The following GTSE1 variants were observed in gnomAD, a reference collection of about 807,000 sequenced individuals.
GTSE1 encodes the protein G2 and S phase-expressed protein 1.
In GTSE1, 52 loss-of-function variants were observed where a neutral mutation model predicts 60.5. The ratio of observed to expected loss-of-function variants is 0.86; its 90% confidence interval spans 0.69 to 1.08. GTSE1 has a LOEUF of 1.08. Ranked by LOEUF, GTSE1 falls within the 50% of genes least tolerant of loss-of-function variation. The pLI is 0.00. For missense variants in GTSE1, 937 were observed against 961.8 expected (o/e 0.97, Z 0.34); for synonymous variants, 368 against 386.5 (o/e 0.95, Z 0.56).
At position 46,309,019 on chromosome 22, in the gene GTSE1, C is replaced by A. The variant is rs6007819; in HGVS notation, c.762+76C>A. The A allele has an allele frequency of 6.7e-6, 10 of 1,484,196 alleles. No homozygotes were observed. The Admixed American group carries it at 8.6e-5, about 13-fold the overall frequency. 91.9% of individuals were successfully genotyped at this position (1,484,196 alleles called of 1,614,324 possible). A position where few individuals can be genotyped will look rare whatever the true frequency, so the allele number is the denominator to read the frequency against. ...TCAGCCCTCTCACAGAAGCCACATG[C>A]GGAAAGCCTCAGAGGTGGCGAGTCT... On this transcript the variant is annotated intron_variant, in intron 4 of 11. Coordinates refer to ENST00000454366, the MANE Select transcript of GTSE1 (RefSeq NM_016426.7). The surrounding 1 kb of genome is among the most constrained non-coding windows in gnomAD (Gnocchi z 6.2).
In GTSE1 at chr22:46,314,133, C is replaced by T. The variant is rs1031947029; in HGVS notation, c.1051+120C>T. On this transcript the variant is annotated intron_variant, in intron 6 of 11. Coordinates refer to ENST00000454366, the MANE Select transcript of GTSE1 (RefSeq NM_016426.7). This position sits in a 1 kb window ranked among gnomAD's most constrained non-coding sequence, Gnocchi z 7.1. ...AGGCTTGGCAGGACGTCCCGGAGGG[C>T]GTGCTGTGTGCGGTGGACCAGGCTG... 151 of 1,254,522 alleles carry T rather than the reference C, an allele frequency of 1.2e-4. 1 individual carries two copies. The East Asian group carries it at 2.6e-3, about 22-fold the overall frequency. 77.7% of individuals were successfully genotyped at this position (1,254,522 alleles called of 1,614,324 possible). A position where few individuals can be genotyped will look rare whatever the true frequency, so the allele number is the denominator to read the frequency against.
chr22:46,313,838 TA>T lies in GTSE1; in HGVS notation c.928-51del. 1.2e-6 allele frequency: 2 copies of T among 1,606,778 alleles called. No individual in the cohort carries two copies. ...CCCTTACTTTTGCAGACACAAGTAATAGGTAAATAACGAGATCTTTGCTGAT... is the reference window on the plus strand; with the variant it reads ...CCCTTACTTTTGCAGACACAAGTAATGGTAAATAACGAGATCTTTGCTGAT... On this transcript the variant is annotated intron_variant, in intron 5 of 11. Coordinates refer to ENST00000454366, the MANE Select transcript of GTSE1 (RefSeq NM_016426.7). The surrounding 1 kb of genome is among the most constrained non-coding windows in gnomAD (Gnocchi z 4.4).
intron 2 of GTSE1, among the ~76,000 whole-genome samples, chr22:46,302,477 C>T (rs1385210369): frequency 1.3e-5 from 2 of 149,928 alleles, no homozygotes; most frequent in East Asian, 1.9e-4. Flanking sequence ...CAGGCTCATG[C>T]GATCCTCCTT....
Position 46,316,524 on chromosome 22 carries a change from C to T in GTSE1, c.1432+112C>T, listed in dbSNP as rs2077781671. The stretch of plus-strand genomic sequence containing the variant: ...TGGTGTTTTTAGTTCTTTCCTCCAA[C>T]AGTGCTTTCAGGTGTGACCCGCTGT... On this transcript the variant is annotated intron_variant, in intron 7 of 11. Transcript: ENST00000454366. This position sits in a 1 kb window ranked among gnomAD's most constrained non-coding sequence, Gnocchi z 5.0. The T allele has an allele frequency of 2.5e-6, 2 of 809,592 alleles. No individual in the cohort carries two copies. The highest frequency in any genetic ancestry group is 2.5e-5 in the East Asian group (1 of 39,812). 50.2% of individuals were successfully genotyped at this position (809,592 alleles called of 1,614,324 possible). A position where few individuals can be genotyped will look rare whatever the true frequency, so the allele number is the denominator to read the frequency against.
chr22:46,298,589 T>G (rs1372888788), intron 2 of GTSE1, among the ~76,000 whole-genome samples: 1 of 152,206 alleles, frequency 6.6e-6, no homozygotes, highest in African/African-American at 2.4e-5. Flanking sequence ...ATTACAGGTG[T>G]GAACCACCGC....
At chr22:46,326,766 T>A in intron 9 of GTSE1, 112 bp downstream of exon 9, 1 of 679,792 alleles carries the variant, frequency 1.5e-6, no homozygotes, top group Non-Finnish European at 2.4e-6. Flanking sequence ...TAAATAGTAT[T>A]TGGAAAGTTT....
intron 4 of GTSE1, 100 bp from the exon 5 acceptor site, chr22:46,312,041 G>T: frequency 1.0e-6 from 1 of 954,660 alleles, no homozygotes; most frequent in Non-Finnish European, 1.6e-6. Context: ...GTGTAGCACT[G>T]GGGAAGATGG....
intron 9 of GTSE1, 107 bp from the exon 10 acceptor site, chr22:46,328,581 G>A (rs1031237203): frequency 3.3e-5 from 27 of 806,630 alleles, no homozygotes; most frequent in Non-Finnish European, 4.7e-5. Flanking sequence ...GAGCCGGGAC[G>A]CACTCCACCC....
chr22:46,299,721 T>C (rs781774924), intron 2 of GTSE1, among the ~76,000 whole-genome samples: 1 of 152,190 alleles, frequency 6.6e-6, no homozygotes, highest in East Asian at 1.9e-4. Flanking sequence ...TCCTTTCGGA[T>C]ACACTTTCTA....
intron 2 of GTSE1, among the ~76,000 whole-genome samples, chr22:46,302,153 AAG>A (rs1342202492): frequency 7.9e-5 from 12 of 152,110 alleles, no homozygotes; most frequent in Non-Finnish European, 5.9e-5. Flanking sequence ...AAAAATAAAA[AAG>A]AATGTTTTGT....
chr22:46,323,287 C>T (rs375365492), intron 8 of GTSE1, 25 bp downstream of exon 8: 7 of 1,551,640 alleles, frequency 4.5e-6, no homozygotes, highest in Non-Finnish European at 3.6e-6. Flanking sequence ...TCCGCTTCCT[C>T]TCTTTATTGC....
intron 4 of GTSE1, 21 bp from the exon 5 acceptor site, chr22:46,312,120 A>G: frequency 1.3e-6 from 2 of 1,599,898 alleles, no homozygotes; most frequent in Non-Finnish European, 1.7e-6. Context: ...CAGTTCTCAC[A>G]GTTCAAATTA....
In GTSE1 at chr22:46,329,452, A is replaced by C; in HGVS notation, c.2021A>C (p.Asp674Ala). 2 of 1,613,940 alleles carry C rather than the reference A, an allele frequency of 1.2e-6. No individual in the cohort carries two copies. Among genetic ancestry groups the C allele is most frequent in the Non-Finnish European group, 1.7e-6 (2 of 1,179,774 alleles). Residue 674 changes from aspartate to alanine, a missense_variant, in exon 11 of 12, where the codon GAT becomes GCT. By Grantham distance (126) the Asp-to-Ala change is moderately radical. Transcript: ENST00000454366. The surrounding 1 kb of genome is among the most constrained non-coding windows in gnomAD (Gnocchi z 6.4). ...LIDLPLIDFC[D>A]TPEAHVAVGS... ...GACCTTCCTCTCATCGACTTCTGCGATACCCCAGAAGCACACGTGGCTGTA... is the reference window on the plus strand; with the variant it reads ...GACCTTCCTCTCATCGACTTCTGCGCTACCCCAGAAGCACACGTGGCTGTA...
rs753807788 is a variant in GTSE1 at position 46,308,675 on chromosome 22, C to T, written c.494C>T (p.Thr165Ile). The change falls in exon 4 of 12, where the codon ACA becomes ATA. Residue 165 changes from threonine to isoleucine, a missense_variant. Coordinates refer to ENST00000454366, the MANE Select transcript of GTSE1 (RefSeq NM_016426.7). ...KKSPTSLKRE[T>I]YYLSDSPLLG... is the part of the protein sequence containing the mutation. ...AGCCCCACGTCTCTTAAAAGGGAGA[C>T]ATACTACCTGTCAGACAGCCCCTTG... is the stretch of plus-strand genomic sequence containing the variant. 21 of 1,614,018 alleles carry T rather than the reference C, an allele frequency of 1.3e-5. No individual in the cohort carries two copies. Among genetic ancestry groups the T allele is most frequent in the Admixed American group, 5.0e-5 (3 of 60,038 alleles).
rs1443083359 is a variant in GTSE1 at position 46,321,931 on chromosome 22, G to A, written c.1433-1259G>A. 3.3e-5 allele frequency among the ~76,000 whole-genome samples: 5 copies of A among 152,118 alleles called. No individual in the cohort carries two copies. The highest frequency in any genetic ancestry group is 6.5e-5 in the Admixed American group (1 of 15,268). The stretch of plus-strand genomic sequence containing the variant: ...TCTACTAACAATACAAAAATTATCC[G>A]GGCGTGGTGGCGGGCACCTATAATT... On this transcript the variant is annotated intron_variant, in intron 7 of 11. Coordinates refer to ENST00000454366, the MANE Select transcript of GTSE1 (RefSeq NM_016426.7). This position sits in a 1 kb window ranked among gnomAD's most constrained non-coding sequence, Gnocchi z 4.0.
chr22:46,300,081 G>T (rs1234785081), intron 2 of GTSE1, among the ~76,000 whole-genome samples: 1 of 149,950 alleles, frequency 6.7e-6, no homozygotes, highest in Non-Finnish European at 1.5e-5. Flanking sequence ...GGGATTACAG[G>T]CATGAGCCAC....
intron 8 of GTSE1, among the ~76,000 whole-genome samples, chr22:46,323,807 C>T (rs9627411): frequency 0.021 from 3,182 of 152,300 alleles, 114 homozygotes; most frequent in African/African-American, 0.072. Context: ...CCTGCCTCAG[C>T]CTCCCTAGTA....
intron 6 of GTSE1, among the ~76,000 whole-genome samples, chr22:46,315,614 C>G (rs559335969): frequency 6.6e-6 from 1 of 152,352 alleles, no homozygotes; most frequent in South Asian, 2.1e-4. Flanking sequence ...TATGACGCAG[C>G]CTCCTTGTAA....
In GTSE1 at chr22:46,329,362, T is replaced by C; in HGVS notation, c.1931T>C (p.Leu644Pro). The C allele has an allele frequency of 1.2e-6, 2 of 1,613,200 alleles. No homozygotes were observed. The highest frequency in any genetic ancestry group is 3.3e-5 in the Admixed American group (2 of 60,026). ...PGGDAAPSEA[L>P]LVDIKLEPLA... ...TAACCTTGGTTTTGTACCCAGGCTC[T>C]TCTTGTAGATATCAAACTGGAACCA... Residue 644 changes from leucine to proline, a missense_variant, in exon 11 of 12, where the codon CTT becomes CCT. Leu to Pro is a moderately conservative substitution (Grantham distance 98). Transcript: ENST00000454366. This position sits in a 1 kb window ranked among gnomAD's most constrained non-coding sequence, Gnocchi z 6.4.
Sources: gnomAD v4.1 joint callset for allele counts (sites outside exome capture counted in the v4.1 genomes callset) on GRCh38, gnomAD v4.1.1 for gene constraint, Gnocchi (gnomAD v3.1) non-coding constraint, MANE v1.5 for transcripts, NCBI Gene and HGNC (gene_info 2026-07-23, HGNC 2026-07-21) for gene names.